The following TBL1X variants were observed in gnomAD, a reference collection of about 807,000 sequenced individuals.
TBL1X encodes the protein transducin beta like 1 X-linked, also known as F-box-like/WD repeat-containing protein TBL1X.
TBL1X carries 10 observed loss-of-function variants against 50.7 expected under a neutral mutation model. The observed-to-expected ratio is 0.20, with a 90% confidence interval of 0.12 to 0.33. TBL1X has a LOEUF of 0.33. Among genes scored for constraint, TBL1X ranks in the 10% least tolerant of loss-of-function variants. The pLI, the probability that TBL1X is intolerant of heterozygous loss-of-function variation, is 1.00. For synonymous variants in TBL1X, 190 were observed against 214.7 expected (o/e 0.88, Z 1.01); for missense variants, 340 against 504.4 (o/e 0.67, Z 3.12).
intron 2 of TBL1X, among the ~76,000 whole-genome samples, chrX:9,504,964 C>T (rs1304068223): frequency 9.0e-6 from 1 of 111,325 alleles, no homozygotes; most frequent in Admixed American, 9.6e-5. Context: ...ACTGGGAACA[C>T]CATTAAGATA....
At chrX:9,623,054 A>G (rs939225411) in intron 2 of TBL1X, among the ~76,000 whole-genome samples, 2 of 111,050 alleles carry the variant, frequency 1.8e-5, no homozygotes, top group African/African-American at 6.6e-5. Context: ...GGCCTGCCAT[A>G]CTGTTTTTCT....
At chrX:9,550,475 C>T (rs1292453690) in intron 2 of TBL1X, among the ~76,000 whole-genome samples, 1 of 112,034 alleles carries the variant, frequency 8.9e-6, no homozygotes, top group African/African-American at 3.2e-5. Context: ...TGATTTCAGG[C>T]TTTTGGTGTA....
chrX:9,617,105 G>A (rs747989134), intron 2 of TBL1X, among the ~76,000 whole-genome samples: 30 of 111,727 alleles, frequency 2.7e-4, no homozygotes, highest in Admixed American at 5.7e-4. Flanking sequence ...CAGCTCCAAG[G>A]CACCGTGTTT....
chrX:9,490,273 G>T (rs1285529212), intron 1 of TBL1X, among the ~76,000 whole-genome samples: 2 of 111,797 alleles, frequency 1.8e-5, no homozygotes, highest in African/African-American at 3.3e-5. Context: ...ACCTAGCCAG[G>T]GTGCTTGTTA....
chrX:9,590,123 G>A (rs1274540111), intron 2 of TBL1X, among the ~76,000 whole-genome samples: 2 of 112,255 alleles, frequency 1.8e-5, no homozygotes, highest in Admixed American at 9.4e-5. Flanking sequence ...AAGGGGATGT[G>A]CTGACTATAG....
rs1012549548 is a variant in TBL1X at position 9,717,259 on chromosome X, AT to A, written c.*1014del. 10 of 112,161 alleles carry A rather than the reference AT, an allele frequency of 8.9e-5. No individual in the cohort carries two copies. Among genetic ancestry groups the A allele is most frequent in the Non-Finnish European group, 1.7e-4 (9 of 53,242 alleles). 9.2% of individuals were successfully genotyped at this position (112,161 alleles called of 1,213,427 possible). On this transcript the variant is annotated 3_prime_UTR_variant, in exon 18 of 18. Coordinates refer to ENST00000645353, the MANE Select transcript of TBL1X (RefSeq NM_005647.4). The stretch of plus-strand genomic sequence containing the variant: ...GCCTGGAGTATTTTTGGAAAAAAAA[AT>A]AATATTTTTATGTTAAAACAATTTT...
chrX:9,515,685 G>A (rs186514678), intron 2 of TBL1X, among the ~76,000 whole-genome samples: 13 of 112,258 alleles, frequency 1.2e-4, no homozygotes, highest in Admixed American at 5.7e-4. Context: ...AGCCAGGCTC[G>A]TTTACTGCCT....
chrX:9,568,706 G>A (rs1318544264), intron 2 of TBL1X, among the ~76,000 whole-genome samples: 1 of 105,537 alleles, frequency 9.5e-6, no homozygotes, highest in Non-Finnish European at 2.0e-5. Flanking sequence ...TGTGTGTGTT[G>A]TGTCTATCTG....
At chrX:9,631,170 A>C (rs182603680) in intron 2 of TBL1X, among the ~76,000 whole-genome samples, 6 of 111,179 alleles carry the variant, frequency 5.4e-5, no homozygotes, top group Admixed American at 2.9e-4. Flanking sequence ...TCAGGGGTAC[A>C]TGTGCAGGTT....
At chrX:9,598,908 CT>C (rs34080351) in intron 2 of TBL1X, among the ~76,000 whole-genome samples, 21 of 97,958 alleles carry the variant, frequency 2.1e-4, no homozygotes, top group East Asian at 1.3e-3. Context: ...ATCCCCCTAC[CT>C]TTTTTTTTTG....
intron 2 of TBL1X, among the ~76,000 whole-genome samples, chrX:9,627,420 T>C (rs1319864468): frequency 8.9e-6 from 1 of 112,180 alleles, no homozygotes; most frequent in Non-Finnish European, 1.9e-5. Context: ...AGCTACAATA[T>C]TGTGGACTCT....
intron 2 of TBL1X, among the ~76,000 whole-genome samples, chrX:9,518,953 C>T (rs1480575840): frequency 9.0e-6 from 1 of 110,871 alleles, no homozygotes; most frequent in Non-Finnish European, 1.9e-5. Flanking sequence ...GCCTTCTGCT[C>T]CCCTGGTGCT....
At chrX:9,704,134 A>C (rs1391422020) in intron 12 of TBL1X, among the ~76,000 whole-genome samples, 1 of 112,225 alleles carries the variant, frequency 8.9e-6, no homozygotes, top group Non-Finnish European at 1.9e-5. Context: ...GGACCTGAGA[A>C]AGGCCCAAAG....
chrX:9,693,052 C>A, intron 9 of TBL1X, 97 bp from the exon 10 acceptor site: 1 of 868,945 alleles, frequency 1.2e-6, no homozygotes, highest in Non-Finnish European at 1.7e-6. Flanking sequence ...GCAAATGGTT[C>A]CAGTGTACCT....
intron 2 of TBL1X, among the ~76,000 whole-genome samples, chrX:9,519,123 T>G (rs1317515764): frequency 2.7e-5 from 3 of 112,125 alleles, no homozygotes; most frequent in African/African-American, 9.7e-5. Flanking sequence ...GTGGTTTCTG[T>G]CTTGTCCATG....
intron 5 of TBL1X, among the ~76,000 whole-genome samples, chrX:9,671,886 G>T (rs990362066): frequency 8.9e-6 from 1 of 112,412 alleles, no homozygotes; most frequent in Non-Finnish European, 1.9e-5. Flanking sequence ...CAAAATGCAG[G>T]AATCCAGAAG....
At chrX:9,625,980 G>A (rs754196416) in intron 2 of TBL1X, among the ~76,000 whole-genome samples, 3 of 111,582 alleles carry the variant, frequency 2.7e-5, no homozygotes, top group Admixed American at 9.5e-5. Context: ...GTGGTGTAAC[G>A]GGAAGCTGAT....
chrX:9,589,416 G>A (rs908815411), intron 2 of TBL1X, among the ~76,000 whole-genome samples: 1 of 109,063 alleles, frequency 9.2e-6, no homozygotes, highest in Admixed American at 9.7e-5. Context: ...TGCTACAAGG[G>A]AACTCTTGTT....
At position 9,542,487 on chromosome X, in the gene TBL1X, A is replaced by C. The variant is rs1190240555; in HGVS notation, c.-131+40638A>C. On this transcript the variant is annotated intron_variant, in intron 2 of 17. Transcript: ENST00000645353. Reference sequence around the variant, plus strand: ...CATTTTCTTTTAGAATGGGGGCATCAGAGTTGAAGGAGGTAACTGTGGGTA... The same window carrying C: ...CATTTTCTTTTAGAATGGGGGCATCCGAGTTGAAGGAGGTAACTGTGGGTA... Among the ~76,000 whole-genome samples the C allele has an allele frequency of 1.1e-4, 12 of 112,148 alleles. No individual in the cohort carries two copies. In the Admixed American group the frequency reaches 1.1e-3, roughly 11 times the overall value.
Sources: gnomAD v4.1 joint callset for allele counts (sites outside exome capture counted in the v4.1 genomes callset) on GRCh38, gnomAD v4.1.1 for gene constraint, MANE v1.5 for transcripts, NCBI Gene and HGNC (gene_info 2026-07-23, HGNC 2026-07-21) for gene names.